The following ARSL variants were observed in gnomAD, a reference collection of about 807,000 sequenced individuals.
ARSL encodes the protein arylsulfatase L.
Under a neutral mutation model 31.1 loss-of-function variants are expected in ARSL, and 4 were observed. The ratio of observed to expected loss-of-function variants is 0.13; its 90% CI spans 0.06 to 0.29. ARSL has a LOEUF of 0.29. Ranked by LOEUF, ARSL falls within the 10% of genes least tolerant of loss-of-function variation. ARSL has a pLI of 1.00. For synonymous variants in ARSL, 198 were observed against 209.9 expected (o/e 0.94, Z 0.49); for missense variants, 312 against 497.8 (o/e 0.63, Z 3.55).
intron 8 of ARSL, among the ~76,000 whole-genome samples, chrX:2,940,188 G>C (rs2089262945): frequency 9.1e-6 from 1 of 110,000 alleles, no homozygotes; most frequent in Non-Finnish European, 1.9e-5. Flanking sequence ...TGGATGCATT[G>C]TCTGAAGGTA....
chrX:2,946,696 T>C lies in ARSL; in HGVS notation c.855-562A>G, dbSNP rs576089839. Among the ~76,000 whole-genome samples, 44 of 106,443 alleles carry C rather than the reference T, an allele frequency of 4.1e-4. 1 individual carries two copies. The South Asian group carries it at 0.016, about 38-fold the overall frequency. The allele number at this position is 106,443 out of a possible 115,157, so 92.4% of individuals were successfully genotyped here. On this transcript the variant is annotated intron_variant, in intron 6 of 10. Transcript: ENST00000381134. ...TCTCTGTTTTTCATTTTGAGACGGA[T>C]TGTGGCTCTGTCGCCCAGGCGGGGG...
chrX:2,960,218 G>A (rs1439785893), intron 2 of ARSL, among the ~76,000 whole-genome samples, 160 bp downstream of exon 2: 7 of 69,077 alleles, frequency 1.0e-4, no homozygotes, highest in East Asian at 8.4e-4. Context: ...GCAGTGAGCC[G>A]AGATCGCGCC....
intron 10 of ARSL, 59 bp from the exon 11 acceptor site, chrX:2,935,249 A>G: frequency 9.0e-7 from 1 of 1,114,590 alleles, no homozygotes; most frequent in Non-Finnish European, 1.2e-6. Context: ...CTTGCTGGAG[A>G]ATGGCATCTT....
chrX:2,938,762 TTGGAAATAGGGGG>T (rs2089240041), intron 8 of ARSL, among the ~76,000 whole-genome samples: 1 of 111,661 alleles, frequency 9.0e-6, no homozygotes, highest in Admixed American at 9.5e-5. Flanking sequence ...GAGACTTTAT[TTGGAAATAGGGGG>T]TTTGCAGATA....
At position 2,956,638 on chromosome X, in the gene ARSL, T is replaced by G. The variant is rs915333267; in HGVS notation, c.186-1101A>C. On this transcript the variant is annotated intron_variant, in intron 3 of 10. Transcript: ENST00000381134. The stretch of plus-strand genomic sequence containing the variant: ...CACCATGCCCAGCTAATTTTTGTAT[T>G]TTTAGTAGAGACGGGGGTTTCACCA... Among the ~76,000 whole-genome samples the G allele has an allele frequency of 2.2e-4, 24 of 109,761 alleles. No individual in the cohort carries two copies. In the Admixed American group the frequency reaches 2.3e-3, roughly 11 times the overall value.
intron 7 of ARSL, among the ~76,000 whole-genome samples, chrX:2,944,812 C>G (rs1427796198): frequency 9.0e-6 from 1 of 110,891 alleles, no homozygotes; most frequent in East Asian, 2.8e-4. Flanking sequence ...CAATCCGGCC[C>G]CACAGGAGTT....
intron 8 of ARSL, 26 bp downstream of exon 8, chrX:2,943,039 A>G: frequency 1.7e-6 from 2 of 1,209,634 alleles, no homozygotes; most frequent in Non-Finnish European, 2.2e-6. Flanking sequence ...TTGCAAGATG[A>G]AGATCTGGGA....
intron 8 of ARSL, among the ~76,000 whole-genome samples, chrX:2,940,703 A>G (rs901035174): frequency 9.0e-6 from 1 of 110,720 alleles, no homozygotes; most frequent in Non-Finnish European, 1.9e-5. Context: ...TGGGATGCCA[A>G]CGTGGGAGGA....
intron 2 of ARSL, chrX:2,959,721 G>A: frequency 8.7e-7 from 1 of 1,143,561 alleles, no homozygotes; most frequent in Non-Finnish European, 1.2e-6. Flanking sequence ...CCAGATGCAG[G>A]ATAAATCACT....
intron 2 of ARSL, chrX:2,959,842 G>T: frequency 1.7e-6 from 1 of 598,806 alleles, no homozygotes; most frequent in Middle Eastern, 5.2e-4. Flanking sequence ...CATTGCCTGA[G>T]CCCAGGTGTT....
chrX:2,957,723 A>G (rs2089546198), intron 3 of ARSL, among the ~76,000 whole-genome samples: 1 of 106,991 alleles, frequency 9.3e-6, no homozygotes, highest in African/African-American at 3.4e-5. Flanking sequence ...AAAAAAAAAA[A>G]AAGAAAAGAA....
In ARSL at chrX:2,960,433, A is replaced by G; in HGVS notation, c.-20-13T>C. 1 of 1,204,007 alleles carries G rather than the reference A, an allele frequency of 8.3e-7. No homozygotes were observed. Among genetic ancestry groups the G allele is most frequent in the Non-Finnish European group, 1.1e-6 (1 of 891,190 alleles). On this transcript the variant is annotated splice_polypyrimidine_tract_variant and intron_variant, in intron 1 of 10. Transcript: ENST00000381134. ...CTCTCTCTACTTCCTGTAAGACATA[A>G]AGATGTCCACAATCACATTGACAGC...
intron 7 of ARSL, 28 bp from the exon 8 acceptor site, chrX:2,943,227 G>T: frequency 1.7e-6 from 2 of 1,207,317 alleles, no homozygotes; most frequent in South Asian, 1.8e-5. Context: ...TTTTGGGGCC[G>T]TCGAAATGGA....
chrX:2,944,212 T>G, intron 7 of ARSL, among the ~76,000 whole-genome samples: 1 of 107,405 alleles, frequency 9.3e-6, no homozygotes, highest in Non-Finnish European at 1.9e-5. Context: ...TCCCAGCACT[T>G]TGGGAGGCTG....
chrX:2,943,894 A>T (rs913067059), intron 7 of ARSL, among the ~76,000 whole-genome samples: 4 of 109,182 alleles, frequency 3.7e-5, no homozygotes, highest in African/African-American at 1.3e-4. Context: ...TGTCACTCAC[A>T]GTTGGCCGGG....
rs772470238 is a variant in ARSL, at chrX:2,958,321, G to A, written c.138C>T (p.Asp46=). The A allele has an allele frequency of 5.1e-5, 62 of 1,210,278 alleles. No individual in the cohort carries two copies. The African/African-American group carries it at 7.3e-4, about 14-fold the overall frequency. The change falls in exon 3 of 11, where the codon GAC becomes GAT. Residue 46 remains aspartate, a synonymous_variant. Coordinates refer to ENST00000381134, the MANE Select transcript of ARSL (RefSeq NM_000047.3). ...SRPNILLLMA[D]DLGIGDIGCY... is the part of the protein sequence containing the mutation. ...AGCCAATGTCCCCAATGCCAAGGTC[G>A]TCCGCCATCAGAAGAAGGATGTTCG...
upstream of ARSL, among the ~76,000 whole-genome samples, chrX:2,967,517 T>G (rs1432098563): frequency 9.0e-6 from 1 of 111,562 alleles, no homozygotes; most frequent in Non-Finnish European, 1.9e-5. Context: ...GAGGCCGAGA[T>G]GGGAAGATCA....
chrX:2,961,126 G>C (rs935273209), intron 1 of ARSL, among the ~76,000 whole-genome samples: 3 of 111,348 alleles, frequency 2.7e-5, no homozygotes. Flanking sequence ...TTCATTGCTA[G>C]GGGTAGGTGC....
intron 7 of ARSL, among the ~76,000 whole-genome samples, chrX:2,944,281 C>G (rs1170292569): frequency 9.2e-6 from 1 of 108,850 alleles, no homozygotes. Context: ...TGGTGAAACC[C>G]CATCTCTACT....
Sources: allele counts gnomAD v4.1 joint callset (sites outside exome capture counted in the v4.1 genomes callset), GRCh38; gene constraint gnomAD v4.1.1; transcripts MANE v1.5; gene names NCBI Gene and HGNC (gene_info 2026-07-23, HGNC 2026-07-21).